The following COL5A2 variants were observed in gnomAD, a reference collection of about 807,000 sequenced individuals.
COL5A2 encodes collagen type V alpha 2 chain.
COL5A2 carries 23 observed loss-of-function variants against 208.2 expected under a neutral mutation model. The ratio of observed to expected loss-of-function variants is 0.11; its 90% confidence interval spans 0.08 to 0.16. The LOEUF (loss-of-function observed/expected upper bound fraction) is 0.16. COL5A2 is among the 10% of genes least tolerant of loss of function. The pLI, the probability that COL5A2 is intolerant of heterozygous loss-of-function variation, is 1.00. For synonymous variants in COL5A2, 625 were observed against 628.5 expected, an observed-to-expected ratio of 0.99 and a Z score of 0.08; for missense variants, 1,590 against 1,956.4, an observed-to-expected ratio of 0.81 and a Z score of 3.53.
At chr2:189,094,588 GACACACACAC>G (rs1175370532) in intron 6 of COL5A2, among the ~76,000 whole-genome samples, 174 of 11,688 alleles carry the variant, frequency 0.015, 10 homozygotes, top group African/African-American at 0.019. Context: ...CTTTCTCTCT[GACACACACAC>G]ACACACACAC....
At chr2:189,337,935 C>T in the COL5A2 span, among the ~76,000 whole-genome samples, 1 of 152,152 alleles carries the variant, frequency 6.6e-6, no homozygotes, top group African/African-American at 2.4e-5. Context: ...GGAAGACGTG[C>T]AGTTCTAGTC....
At chr2:189,394,721 C>A in the COL5A2 span, among the ~76,000 whole-genome samples, 1 of 152,086 alleles carries the variant, frequency 6.6e-6, no homozygotes, top group African/African-American at 2.4e-5. Flanking sequence ...ACCTCTGTCT[C>A]CATGACAGGC....
At chr2:189,176,071 T>C (rs892770658) in intron 1 of COL5A2, among the ~76,000 whole-genome samples, 1 of 152,192 alleles carries the variant, frequency 6.6e-6, no homozygotes, top group African/African-American at 2.4e-5. Context: ...GTGTTAAATA[T>C]CTGCTTCCTG....
chr2:189,085,123 TC>T, intron 11 of COL5A2, 36 bp downstream of exon 11: 1 of 1,588,694 alleles, frequency 6.3e-7, no homozygotes, highest in Non-Finnish European at 8.6e-7. Flanking sequence ...CTTCGCCTCT[TC>T]AAAACCTGAA....
chr2:189,038,370 T>G (rs1365866498), intron 51 of COL5A2, among the ~76,000 whole-genome samples: 1 of 152,248 alleles, frequency 6.6e-6, no homozygotes, highest in African/African-American at 2.4e-5. Flanking sequence ...TTCATTCTTT[T>G]TTATGGCCAC....
intron 6 of COL5A2, 65 bp from the exon 7 acceptor site, chr2:189,092,485 G>C (rs1231265071): frequency 2.5e-5 from 24 of 966,048 alleles, no homozygotes; most frequent in East Asian, 5.2e-5. Context: ...AAAGCTAAAG[G>C]CACAGACTTC....
At chr2:189,243,934 C>T in the COL5A2 span, among the ~76,000 whole-genome samples, 1 of 152,164 alleles carries the variant, frequency 6.6e-6, no homozygotes, top group East Asian at 1.9e-4. Context: ...CAAAGGGTGG[C>T]TTGCACCCTC....
the COL5A2 span, among the ~76,000 whole-genome samples, chr2:189,390,622 G>T: frequency 2.0e-5 from 3 of 152,282 alleles, no homozygotes; most frequent in Admixed American, 1.3e-4. Flanking sequence ...AAAAAGTTTG[G>T]ATTAAGAAGA....
chr2:189,043,612 A>G (rs1312060962), intron 47 of COL5A2, among the ~76,000 whole-genome samples: 1 of 152,154 alleles, frequency 6.6e-6, no homozygotes, highest in Non-Finnish European at 1.5e-5. Context: ...TGATATTATT[A>G]TATAAAAATA....
the COL5A2 span, among the ~76,000 whole-genome samples, chr2:189,312,236 C>T: frequency 2.6e-5 from 4 of 152,180 alleles, no homozygotes; most frequent in Non-Finnish European, 4.4e-5. Context: ...TCTCGGTCTC[C>T]AGGCTCCTCA....
intron 1 of COL5A2, among the ~76,000 whole-genome samples, chr2:189,167,663 G>A (rs370243085): frequency 4.4e-5 from 3 of 67,816 alleles, no homozygotes; most frequent in Non-Finnish European, 9.3e-5. Context: ...AGAAAGAAGT[G>A]ATTTTTTTTT....
In COL5A2 at chr2:189,069,929, T is replaced by C. The variant is rs113580289; in HGVS notation, c.1159-1045A>G. ...GCAGCATTATAAGCAAAATACCATC[T>C]ATTTTTAAACCAAAGAAACAATACT... On this transcript the variant is annotated intron_variant, in intron 18 of 53. Coordinates refer to ENST00000374866, the MANE Select transcript of COL5A2 (RefSeq NM_000393.5). 7.5e-4 allele frequency among the ~76,000 whole-genome samples: 114 copies of C among 152,338 alleles called. 1 individual carries two copies. Among genetic ancestry groups the C allele is most frequent in the African/African-American group, 2.6e-3 (110 of 41,588 alleles).
the COL5A2 span, among the ~76,000 whole-genome samples, chr2:189,350,278 C>T: frequency 6.6e-6 from 1 of 152,060 alleles, no homozygotes; most frequent in Non-Finnish European, 1.5e-5. Flanking sequence ...CAGAAAGACA[C>T]AGAAGTACTG....
chr2:189,144,539 CAT>C (rs1688001968), intron 1 of COL5A2, among the ~76,000 whole-genome samples: 1 of 151,418 alleles, frequency 6.6e-6, no homozygotes. Flanking sequence ...TGCATACATA[CAT>C]ATATATGTTA....
At chr2:189,334,450 C>A in the COL5A2 span, among the ~76,000 whole-genome samples, 1 of 151,736 alleles carries the variant, frequency 6.6e-6, no homozygotes, top group African/African-American at 2.4e-5. Context: ...AAAATATTAC[C>A]AACAATTAGA....
the COL5A2 span, among the ~76,000 whole-genome samples, chr2:189,346,097 C>T: frequency 3.3e-5 from 5 of 152,142 alleles, no homozygotes; most frequent in African/African-American, 1.2e-4. Context: ...TTCATTTATG[C>T]TCATTTCTTG....
chr2:189,150,606 C>T (rs766230642), intron 1 of COL5A2, among the ~76,000 whole-genome samples: 1 of 152,062 alleles, frequency 6.6e-6, no homozygotes, highest in Non-Finnish European at 1.5e-5. Context: ...GCTTGGATTT[C>T]TTGATATAAC....
the COL5A2 span, among the ~76,000 whole-genome samples, chr2:189,408,396 G>A: frequency 1.3e-5 from 2 of 152,038 alleles, no homozygotes; most frequent in African/African-American, 4.8e-5. Flanking sequence ...CGGGAAGAAA[G>A]TACATACATG....
At chr2:189,127,906 G>C (rs1281736285) in intron 1 of COL5A2, among the ~76,000 whole-genome samples, 1 of 152,038 alleles carries the variant, frequency 6.6e-6, no homozygotes, top group Non-Finnish European at 1.5e-5. Flanking sequence ...CAGTGAAGGA[G>C]TGCTGCTTCT....
Sources: allele counts gnomAD v4.1 joint callset (sites outside exome capture counted in the v4.1 genomes callset), GRCh38; gene constraint gnomAD v4.1.1; transcripts MANE v1.5; gene names NCBI Gene and HGNC (gene_info 2026-07-23, HGNC 2026-07-21).